CTXND1: variants seen among roughly 807,000 people sequenced by gnomAD.
CTXND1 encodes the protein cortexin domain-containing 1 protein.
chr15:80,230,276 G>A (rs1893413869), intron 1 of CTXND1, among the ~76,000 whole-genome samples: 1 of 152,162 alleles, frequency 6.6e-6, no homozygotes, highest in Non-Finnish European at 1.5e-5. Context: ...TGGAAGGCGG[G>A]GGCGGTGTCT....
Position 80,202,822 on chromosome 15 carries a change from T to C in CTXND1, c.-66+767A>G, listed in dbSNP as rs181867302. On this transcript the variant is annotated intron_variant, in intron 2 of 2. Transcript: ENST00000560778. ...CATGGCCTGAAAACTGTAAGTGTTATGGGAAGAACAGTTTTGGCAGTCACG... is the reference window on the plus strand; with the variant it reads ...CATGGCCTGAAAACTGTAAGTGTTACGGGAAGAACAGTTTTGGCAGTCACG... 1.2e-3 allele frequency among the ~76,000 whole-genome samples: 184 copies of C among 152,298 alleles called. 1 individual carries two copies. The highest frequency in any genetic ancestry group is 4.1e-3 in the African/African-American group (172 of 41,568).
chr15:80,234,113 C>T (rs974201362), intron 1 of CTXND1, among the ~76,000 whole-genome samples: 1 of 152,182 alleles, frequency 6.6e-6, no homozygotes, highest in African/African-American at 2.4e-5. Flanking sequence ...CTTTGGAGGA[C>T]TAGGTCCTTT....
intron 1 of CTXND1, among the ~76,000 whole-genome samples, chr15:80,208,985 C>G (rs1050582376): frequency 1.2e-4 from 18 of 152,198 alleles, no homozygotes; most frequent in African/African-American, 4.3e-4. Context: ...AGCCTAGCCT[C>G]TCAAACCTTG....
chr15:80,248,748 G>A (rs1434165080), intron 1 of CTXND1, among the ~76,000 whole-genome samples: 1 of 152,192 alleles, frequency 6.6e-6, no homozygotes, highest in Non-Finnish European at 1.5e-5. Flanking sequence ...GCAGTGTCAG[G>A]CCACTTGTCA....
In CTXND1 at chr15:80,201,967, G is replaced by A. The variant is rs2041452344; in HGVS notation, c.-18C>T. On this transcript the variant is annotated 5_prime_UTR_variant, in exon 3 of 3. Coordinates refer to ENST00000560778, the MANE Select transcript of CTXND1 (RefSeq NM_001352888.2). ...TCCTCCATCTCGCGGCAGCGACTGC[G>A]GGCTGCTCCTCCTCCGCCTCGGGTT... The A allele has an allele frequency of 1.0e-5, 4 of 398,830 alleles. No individual in the cohort carries two copies. Among genetic ancestry groups the A allele is most frequent in the Non-Finnish European group, 1.3e-5 (3 of 226,352 alleles). The allele number at this position is 398,830 out of a possible 1,614,324, so 24.7% of individuals were successfully genotyped here.
chr15:80,248,508 A>C (rs141175759), intron 1 of CTXND1, among the ~76,000 whole-genome samples: 1,871 of 152,304 alleles, frequency 0.012, 45 homozygotes, highest in African/African-American at 0.043. Context: ...ACCTAACTAG[A>C]TACCATTTCC....
chr15:80,207,751 G>A (rs563009070), intron 1 of CTXND1, among the ~76,000 whole-genome samples: 21 of 152,306 alleles, frequency 1.4e-4, no homozygotes, highest in Middle Eastern at 3.4e-3. Context: ...AAGGGGCTAA[G>A]CCCACTTCAG....
At position 80,201,599 on chromosome 15, in the gene CTXND1, G is replaced by A. The variant is rs545540687; in HGVS notation, c.*171C>T. 572 of 394,692 alleles carry A rather than the reference G, an allele frequency of 1.4e-3. No homozygotes were observed. The highest frequency in any genetic ancestry group is 2.3e-3 in the Non-Finnish European group (511 of 224,112). 24.4% of individuals were successfully genotyped at this position (394,692 alleles called of 1,614,324 possible). A position where few individuals can be genotyped will look rare whatever the true frequency, so the allele number is the denominator to read the frequency against. On this transcript the variant is annotated 3_prime_UTR_variant, in exon 3 of 3. Coordinates refer to ENST00000560778, the MANE Select transcript of CTXND1 (RefSeq NM_001352888.2). ...CACCCACGGCACCCGGGCATTCCAC[G>A]CTGGTGCTCGAGGGAGGGCTGAGAG...
intron 1 of CTXND1, among the ~76,000 whole-genome samples, chr15:80,241,691 G>C (rs142310120): frequency 1.5e-3 from 221 of 152,296 alleles, no homozygotes; most frequent in Non-Finnish European, 2.8e-3. Flanking sequence ...ATGATGGAAC[G>C]GGGCCTCATG....
intron 1 of CTXND1, among the ~76,000 whole-genome samples, chr15:80,228,424 T>C (rs984512156): frequency 7.2e-5 from 11 of 152,172 alleles, no homozygotes; most frequent in Non-Finnish European, 1.6e-4. Context: ...CCTTACAAAA[T>C]GTATTTCTTA....
intron 1 of CTXND1, among the ~76,000 whole-genome samples, chr15:80,225,051 AT>A (rs1253558137): frequency 2.6e-5 from 4 of 152,226 alleles, no homozygotes; most frequent in Admixed American, 2.6e-4. Flanking sequence ...CCTTCTGAAC[AT>A]TTCTGAATGC....
At chr15:80,242,839 C>T (rs1021787401) in intron 1 of CTXND1, among the ~76,000 whole-genome samples, 2 of 152,174 alleles carry the variant, frequency 1.3e-5, no homozygotes, top group African/African-American at 4.8e-5. Flanking sequence ...CTCCACCACT[C>T]CCTATGGCTC....
At chr15:80,221,574 C>T (rs1016429598) in intron 1 of CTXND1, among the ~76,000 whole-genome samples, 1 of 152,056 alleles carries the variant, frequency 6.6e-6, no homozygotes, top group Non-Finnish European at 1.5e-5. Flanking sequence ...CAGAGAGAGA[C>T]CCTGGCTCTA....
intron 1 of CTXND1, among the ~76,000 whole-genome samples, chr15:80,229,598 A>G (rs1042698373): frequency 2.6e-5 from 4 of 152,148 alleles, no homozygotes; most frequent in African/African-American, 9.7e-5. Flanking sequence ...CTTACATTGA[A>G]ACTCTGTGAT....
At chr15:80,226,305 A>C (rs966499063) in intron 1 of CTXND1, among the ~76,000 whole-genome samples, 2 of 152,222 alleles carry the variant, frequency 1.3e-5, no homozygotes, top group African/African-American at 4.8e-5. Context: ...TCTGCTGCTG[A>C]GGTCTCAGGA....
At chr15:80,251,844 C>A (rs1225426814) in intron 1 of CTXND1, among the ~76,000 whole-genome samples, 163 bp downstream of exon 1, 2 of 151,982 alleles carry the variant, frequency 1.3e-5, no homozygotes, top group Non-Finnish European at 2.9e-5. Flanking sequence ...AGTGTCCACG[C>A]GGGTCTCCTC....
chr15:80,228,049 A>T (rs947760314), intron 1 of CTXND1, among the ~76,000 whole-genome samples: 1 of 152,244 alleles, frequency 6.6e-6, no homozygotes, highest in Non-Finnish European at 1.5e-5. Context: ...ATGTCATTTC[A>T]ACAAGGTTCA....
At chr15:80,221,389 T>G (rs572809670) in intron 1 of CTXND1, among the ~76,000 whole-genome samples, 1 of 152,312 alleles carries the variant, frequency 6.6e-6, no homozygotes, top group East Asian at 1.9e-4. Context: ...TTGTTCTTTA[T>G]TGTAAAGAAA....
At position 80,197,758 on chromosome 15, in the gene CTXND1, C is replaced by G. The variant is rs2041427975; in HGVS notation, c.*4012G>C. 1 of 152,182 alleles carries G rather than the reference C, an allele frequency of 6.6e-6. No homozygotes were observed. 9.4% of individuals were successfully genotyped at this position (152,182 alleles called of 1,614,324 possible). A position where few individuals can be genotyped will look rare whatever the true frequency, so the allele number is the denominator to read the frequency against. On this transcript the variant is annotated 3_prime_UTR_variant, in exon 3 of 3. Coordinates refer to ENST00000560778, the MANE Select transcript of CTXND1 (RefSeq NM_001352888.2). ...GCAGAACCAGTCCTCAACAGCAAGA[C>G]CTAGGGGGTATGAAACCACACTAGT... is the stretch of plus-strand genomic sequence containing the variant.
Sources: gnomAD v4.1 joint callset for allele counts (sites outside exome capture counted in the v4.1 genomes callset) on GRCh38, gnomAD v4.1.1 for gene constraint, MANE v1.5 for transcripts, NCBI Gene and HGNC (gene_info 2026-07-23, HGNC 2026-07-21) for gene names.